FAM135A: variants seen among roughly 807,000 people sequenced by gnomAD.
FAM135A encodes family with sequence similarity 135 member A, also known as protein FAM135A.
A neutral mutation model predicts 146.8 loss-of-function variants in FAM135A; 79 were observed. That is an observed-to-expected ratio of 0.54 (90% CI 0.45 to 0.65). The LOEUF is 0.65. FAM135A is among the 30% of genes least tolerant of loss of function. The pLI, the probability that FAM135A is intolerant of heterozygous loss-of-function variation, is 0.00. For synonymous variants in FAM135A, 562 were observed against 603.6 expected (o/e 0.93, Z 1.01); for missense variants, 1,623 against 1,758.2 (o/e 0.92, Z 1.38).
At chr6:70,543,701 C>T (rs974537343) in intron 20 of FAM135A, among the ~76,000 whole-genome samples, 2 of 152,078 alleles carry the variant, frequency 1.3e-5, no homozygotes, top group Non-Finnish European at 2.9e-5. Flanking sequence ...TTAGGAAATA[C>T]GTGAAAGGCA....
At chr6:70,494,818 G>T (rs1395906388) in intron 11 of FAM135A, among the ~76,000 whole-genome samples, 1 of 152,074 alleles carries the variant, frequency 6.6e-6, no homozygotes, top group Non-Finnish European at 1.5e-5. Flanking sequence ...AAAGAGAGTT[G>T]TGTACTTTAT....
intron 9 of FAM135A, among the ~76,000 whole-genome samples, chr6:70,481,530 G>T (rs1344641507): frequency 6.6e-6 from 1 of 152,064 alleles, no homozygotes; most frequent in African/African-American, 2.4e-5. Context: ...CTGCTAGGGA[G>T]CCTGAGGCAG....
chr6:70,556,817 T>C lies in FAM135A; in HGVS notation c.4296T>C (p.Ser1432=), dbSNP rs769636959. 3 of 1,614,062 alleles carry C rather than the reference T, an allele frequency of 1.9e-6. No homozygotes were observed. In the East Asian group the frequency reaches 6.7e-5, roughly 36 times the overall value. The part of the protein sequence containing the change: ...SLQDRYVPYH[S]ARIEMCKTAL... ...AGGATCGCTATGTTCCTTATCACTC[T>C]GCCCGCATTGAAATGTGTAAAACAG... Residue 1432 remains serine (S), a synonymous_variant, in exon 21 of 22, where the codon TCT becomes TCC. Coordinates refer to ENST00000418814, the MANE Select transcript of FAM135A (RefSeq NM_001162529.3).
chr6:70,493,692 A>C (rs1786566927), intron 11 of FAM135A, among the ~76,000 whole-genome samples: 1 of 152,212 alleles, frequency 6.6e-6, no homozygotes, highest in African/African-American at 2.4e-5. Flanking sequence ...ATGTTTAATA[A>C]ATGCCCAATG....
chr6:70,436,111 G>T (rs1773072609), intron 4 of FAM135A, among the ~76,000 whole-genome samples: 1 of 151,646 alleles, frequency 6.6e-6, no homozygotes, highest in African/African-American at 2.4e-5. Context: ...TTGAACCCCA[G>T]AGGCGGAGGT....
chr6:70,536,616 A>G (rs1796835070), intron 19 of FAM135A, among the ~76,000 whole-genome samples: 1 of 152,138 alleles, frequency 6.6e-6, no homozygotes, highest in Non-Finnish European at 1.5e-5. Flanking sequence ...TTATATTGAG[A>G]TGGTATTTGT....
At chr6:70,534,234 T>G (rs966754277) in intron 18 of FAM135A, among the ~76,000 whole-genome samples, 3 of 148,332 alleles carry the variant, frequency 2.0e-5, no homozygotes, top group Admixed American at 1.4e-4. Flanking sequence ...ATAGGCTCTG[T>G]GAGTTACATA....
Position 70,526,554 on chromosome 6 carries a change from C to G in FAM135A, c.3470C>G (p.Ser1157Cys). 3 of 1,613,636 alleles carry G rather than the reference C, an allele frequency of 1.9e-6. No homozygotes were observed. The highest frequency in any genetic ancestry group is 2.5e-6 in the Non-Finnish European group (3 of 1,179,690). The change falls in exon 15 of 22, where the codon TCT becomes TGT. Residue 1157 changes from serine (S) to cysteine (C), a missense_variant. Physicochemically the swap from Ser to Cys is moderately radical, Grantham distance 112. Coordinates refer to ENST00000418814, the MANE Select transcript of FAM135A (RefSeq NM_001162529.3). ...ACTTCTGGTTGTTTGTCCTTCCCGT[C>G]TGCACCACGAGAGTCTCCTTGTAAT... ...VCTSGCLSFP[S>C]APRESPCNVK...
intron 20 of FAM135A, among the ~76,000 whole-genome samples, chr6:70,546,870 A>G (rs1470760369): frequency 3.3e-5 from 5 of 152,164 alleles, no homozygotes; most frequent in Non-Finnish European, 7.4e-5. Context: ...GATAGCAGGG[A>G]AAAGAAAGAT....
At chr6:70,502,242 C>T (rs1788727946) in intron 11 of FAM135A, among the ~76,000 whole-genome samples, 1 of 151,978 alleles carries the variant, frequency 6.6e-6, no homozygotes, top group South Asian at 2.1e-4. Flanking sequence ...GGGAAAAAAT[C>T]TGAAGAATTT....
In FAM135A at chr6:70,464,658, C is replaced by CTTTTTTTTTTT. The variant is rs754818109; in HGVS notation, c.158-10744_158-10743insTTTTTTTTTTT. Among the ~76,000 whole-genome samples the CTTTTTTTTTTT allele has an allele frequency of 2.6e-4, 26 of 100,424 alleles. 2 individuals carry two copies. Among genetic ancestry groups the CTTTTTTTTTTT allele is most frequent in the African/African-American group, 9.0e-4 (24 of 26,690 alleles). 65.9% of individuals were successfully genotyped at this position (100,424 alleles called of 152,430 possible). ...TTTAAATTTCTTTCTTTCTTTCTTT[C>CTTTTTTTTTTT]TTTTTTTTCTTTTTTTTTTTTTTTT... On this transcript the variant is annotated intron_variant, in intron 5 of 21. Coordinates refer to ENST00000418814, the MANE Select transcript of FAM135A (RefSeq NM_001162529.3).
At chr6:70,444,834 A>G (rs1775343506) in intron 4 of FAM135A, among the ~76,000 whole-genome samples, 1 of 152,238 alleles carries the variant, frequency 6.6e-6, no homozygotes, top group Non-Finnish European at 1.5e-5. Context: ...GTATACATTA[A>G]ATGTGGAGAT....
chr6:70,486,007 A>G (rs1784552228), intron 10 of FAM135A, among the ~76,000 whole-genome samples: 1 of 152,244 alleles, frequency 6.6e-6, no homozygotes, highest in Non-Finnish European at 1.5e-5. Flanking sequence ...CCAAAGAAAT[A>G]TATACTTGAA....
At chr6:70,455,527 T>G (rs1778152951) in intron 5 of FAM135A, among the ~76,000 whole-genome samples, 1 of 152,152 alleles carries the variant, frequency 6.6e-6, no homozygotes, top group East Asian at 1.9e-4. Context: ...GTATATATTA[T>G]TGCCATAATA....
intron 10 of FAM135A, chr6:70,486,244 G>A (rs1784624810): frequency 1.9e-6 from 3 of 1,613,074 alleles, no homozygotes; most frequent in African/African-American, 1.3e-5. Context: ...CAACCATCTA[G>A]GTACGTTTAC....
chr6:70,457,571 C>T (rs999135872), intron 5 of FAM135A, among the ~76,000 whole-genome samples: 1 of 152,066 alleles, frequency 6.6e-6, no homozygotes, highest in Non-Finnish European at 1.5e-5. Context: ...CTGCTCAGTC[C>T]CTTCTTTGTC....
intron 20 of FAM135A, among the ~76,000 whole-genome samples, chr6:70,540,774 T>C (rs574623500): frequency 6.6e-6 from 1 of 152,330 alleles, no homozygotes; most frequent in Admixed American, 6.5e-5. Context: ...ATATTACTGT[T>C]TTTATACCTA....
chr6:70,477,459 A>G, intron 8 of FAM135A, 127 bp downstream of exon 8: 3 of 998,226 alleles, frequency 3.0e-6, no homozygotes, highest in East Asian at 2.8e-5. Context: ...TACAGGAAGC[A>G]TGATGCTGGC....
intron 12 of FAM135A, chr6:70,503,414 A>G (rs1217111423): frequency 6.6e-6 from 1 of 152,146 alleles, no homozygotes; most frequent in African/African-American, 2.4e-5. Context: ...TCCTCCAAAC[A>G]TCATTAATTT....
Sources: gnomAD v4.1 joint callset for allele counts (sites outside exome capture counted in the v4.1 genomes callset) on GRCh38, gnomAD v4.1.1 for gene constraint, MANE v1.5 for transcripts, NCBI Gene and HGNC (gene_info 2026-07-23, HGNC 2026-07-21) for gene names.